Variants in FAM13A observed in about 807,000 individuals in gnomAD.
The protein encoded by FAM13A is protein FAM13A.
Under a neutral mutation model 129.6 loss-of-function variants are expected in FAM13A, and 76 were observed. The observed-to-expected ratio is 0.59, with a 90% CI of 0.49 to 0.71. The LOEUF is 0.71. Among genes scored for constraint, FAM13A ranks in the 30% least tolerant of loss-of-function variants. The probability of loss-of-function intolerance (pLI) is 0.00; values close to 1 mark genes in which losing one functional copy is unlikely to be tolerated. For synonymous variants in FAM13A, 443 were observed against 449.9 expected, an observed-to-expected ratio of 0.98 and a Z score of 0.20; for missense variants, 1,108 against 1,249.3, an observed-to-expected ratio of 0.89 and a Z score of 1.70.
chr4:88,961,751 T>G (rs572758634), intron 4 of FAM13A, among the ~76,000 whole-genome samples: 22 of 152,260 alleles, frequency 1.4e-4, no homozygotes, highest in African/African-American at 5.3e-4. Flanking sequence ...GTTAACTGTA[T>G]CTCATAGACA....
chr4:88,780,718 AATTTCTGAACATGAAGAG>A (rs1338294496), intron 11 of FAM13A, among the ~76,000 whole-genome samples: 3 of 152,154 alleles, frequency 2.0e-5, no homozygotes, highest in Non-Finnish European at 4.4e-5. Context: ...TTTGAAACAA[AATTTCTGAACATGAAGAG>A]ATTTCTGAAC....
intron 7 of FAM13A, chr4:88,823,335 C>A: frequency 9.0e-7 from 1 of 1,107,562 alleles, no homozygotes; most frequent in South Asian, 3.2e-5. Context: ...CCTCCTCCCC[C>A]GCACCCTACT....
chr4:88,761,306 A>G (rs1744769271), intron 13 of FAM13A, among the ~76,000 whole-genome samples: 1 of 152,230 alleles, frequency 6.6e-6, no homozygotes, highest in African/African-American at 2.4e-5. Context: ...CACCGTATGA[A>G]GACAAATGAA....
In FAM13A at chr4:88,935,501, C is replaced by T. The variant is rs142073405; in HGVS notation, c.759+2587G>A. Among the ~76,000 whole-genome samples, 1,047 of 152,138 alleles carry T rather than the reference C, an allele frequency of 6.9e-3. 12 individuals are homozygous for T. The highest frequency in any genetic ancestry group is 0.022 in the African/African-American group (902 of 41,490). On this transcript the variant is annotated intron_variant, in intron 5 of 23. Coordinates refer to ENST00000264344, the MANE Select transcript of FAM13A (RefSeq NM_014883.4). ...TCTTGGGTCTTTATCATTTACTTTGCGCCCATTTCCTATCTTTATATTCAT... is the reference window on the plus strand; with the variant it reads ...TCTTGGGTCTTTATCATTTACTTTGTGCCCATTTCCTATCTTTATATTCAT...
intron 1 of FAM13A, among the ~76,000 whole-genome samples, chr4:89,053,766 A>C (rs1015376586): frequency 3.9e-5 from 6 of 152,208 alleles, no homozygotes; most frequent in Admixed American, 3.9e-4. Flanking sequence ...ACCAGAAATC[A>C]TAATATCCAG....
chr4:88,913,889 T>C (rs765191522), intron 5 of FAM13A, among the ~76,000 whole-genome samples: 6 of 152,130 alleles, frequency 3.9e-5, no homozygotes, highest in Non-Finnish European at 8.8e-5. Context: ...ACTTAGTATG[T>C]TCAAACTTGA....
intron 6 of FAM13A, among the ~76,000 whole-genome samples, chr4:88,872,044 T>G (rs1259751219): frequency 1.3e-5 from 2 of 152,164 alleles, no homozygotes; most frequent in African/African-American, 4.8e-5. Context: ...CCAGCCAAAC[T>G]AAGCTTCACA....
At chr4:88,761,972 TA>T (rs1744905323) in intron 13 of FAM13A, among the ~76,000 whole-genome samples, 1 of 151,310 alleles carries the variant, frequency 6.6e-6, no homozygotes, top group African/African-American at 2.4e-5. Context: ...TGGAGAAAAA[TA>T]AAGGGGTATA....
At chr4:88,785,672 G>A (rs1332392568) in intron 10 of FAM13A, among the ~76,000 whole-genome samples, 1 of 152,164 alleles carries the variant, frequency 6.6e-6, no homozygotes, top group Non-Finnish European at 1.5e-5. Context: ...AGGGGAGAGG[G>A]GTTGCAGGAA....
At chr4:88,750,708 G>T in intron 14 of FAM13A, 71 bp from the exon 15 acceptor site, 1 of 1,176,134 alleles carries the variant, frequency 8.5e-7, no homozygotes, top group Non-Finnish European at 1.2e-6. Flanking sequence ...AAACACAAGT[G>T]TTTCCCAGGC....
chr4:88,880,924 A>G (rs1366576013), intron 6 of FAM13A, among the ~76,000 whole-genome samples: 1 of 152,090 alleles, frequency 6.6e-6, no homozygotes, highest in East Asian at 1.9e-4. Context: ...TCCCCTAGGA[A>G]CATAACTCCA....
At chr4:88,995,295 C>G (rs1327926243) in intron 3 of FAM13A, among the ~76,000 whole-genome samples, 1 of 151,738 alleles carries the variant, frequency 6.6e-6, no homozygotes, top group Non-Finnish European at 1.5e-5. Flanking sequence ...TGAGTGTCAA[C>G]TTGACTGGAT....
At chr4:88,956,131 G>A (rs541175124) in intron 4 of FAM13A, among the ~76,000 whole-genome samples, 13 of 152,186 alleles carry the variant, frequency 8.5e-5, no homozygotes, top group African/African-American at 2.9e-4. Flanking sequence ...AATGTCCTAC[G>A]CCTTCCCTTT....
chr4:88,883,274 G>A (rs1743879441), intron 6 of FAM13A, among the ~76,000 whole-genome samples: 1 of 151,840 alleles, frequency 6.6e-6, no homozygotes, highest in Non-Finnish European at 1.5e-5. Context: ...CACAAAACAA[G>A]TATCAGTAAA....
At chr4:88,823,557 C>G (rs1375305571) in intron 7 of FAM13A, among the ~76,000 whole-genome samples, 1 of 152,208 alleles carries the variant, frequency 6.6e-6, no homozygotes, top group Non-Finnish European at 1.5e-5. Flanking sequence ...AGACTGCCAG[C>G]AAGGATTCCA....
chr4:89,031,295 A>G (rs577287610), intron 1 of FAM13A, among the ~76,000 whole-genome samples: 71 of 152,294 alleles, frequency 4.7e-4, no homozygotes, highest in Non-Finnish European at 9.3e-4. Flanking sequence ...GTAGCATTAA[A>G]AACAGCTGAC....
intron 13 of FAM13A, among the ~76,000 whole-genome samples, chr4:88,762,914 C>T (rs966485043): frequency 6.6e-6 from 1 of 152,092 alleles, no homozygotes; most frequent in Non-Finnish European, 1.5e-5. Context: ...TTTTCAACTC[C>T]AAGATCCTTG....
intron 13 of FAM13A, among the ~76,000 whole-genome samples, chr4:88,761,437 GA>G (rs1475635102): frequency 1.3e-5 from 2 of 152,140 alleles, no homozygotes; most frequent in Admixed American, 6.5e-5. Flanking sequence ...AATGCATTAT[GA>G]AAAAATATTA....
chr4:88,817,956 C>A (rs1456064865), intron 7 of FAM13A, among the ~76,000 whole-genome samples: 1 of 152,070 alleles, frequency 6.6e-6, no homozygotes, highest in East Asian at 1.9e-4. Flanking sequence ...ACAAAACAAA[C>A]AAAACAAAAC....
Sources: allele counts gnomAD v4.1 joint callset (sites outside exome capture counted in the v4.1 genomes callset), GRCh38; gene constraint gnomAD v4.1.1; transcripts MANE v1.5; gene names NCBI Gene and HGNC (gene_info 2026-07-23, HGNC 2026-07-21).